Variants in MGAT5 observed in about 807,000 individuals in gnomAD.
MGAT5 encodes alpha-1,6-mannosylglycoprotein 6-beta-N-acetylglucosaminyltransferase, also known as alpha-1,6-mannosylglycoprotein 6-beta-N-acetylglucosaminyltransferase A.
A neutral mutation model predicts 94.3 loss-of-function variants in MGAT5; 30 were observed. That is an observed-to-expected ratio of 0.32 (90% CI 0.24 to 0.43). The LOEUF (loss-of-function observed/expected upper bound fraction) is 0.43, where lower values mean the gene tolerates loss of function less well. Ranked by LOEUF, MGAT5 falls within the 20% of genes least tolerant of loss-of-function variation. MGAT5 has a pLI of 1.00. For synonymous variants in MGAT5, 310 were observed against 322.9 expected, an observed-to-expected ratio of 0.96 and a Z score of 0.43; for missense variants, 691 against 905.5, an observed-to-expected ratio of 0.76 and a Z score of 3.04.
Position 134,189,594 on chromosome 2 carries a change from TTTTTTTTG to T in MGAT5, c.-142-64660_-142-64653del, listed in dbSNP as rs1324545700. Among the ~76,000 whole-genome samples the T allele has an allele frequency of 5.0e-5, 4 of 80,734 alleles. 1 individual carries two copies. Among genetic ancestry groups the T allele is most frequent in the African/African-American group, 2.7e-4 (4 of 14,874 alleles). The allele number at this position is 80,734 out of a possible 152,430, so 53.0% of individuals were successfully genotyped here. ...ATATGACTAACCTCATGGCTCTAGT[TTTTTTTTG>T]TTTTTTTTTTTTTTTTTTAAGACAG... is the stretch of plus-strand genomic sequence containing the variant. On this transcript the variant is annotated intron_variant, in intron 1 of 16. Coordinates refer to the MGAT5 transcript ENST00000409645.
intron 7 of MGAT5, among the ~76,000 whole-genome samples, chr2:134,342,568 A>G (rs530118052): frequency 3.9e-5 from 6 of 152,124 alleles, no homozygotes; most frequent in Non-Finnish European, 8.8e-5. Context: ...CCTGGCCAAC[A>G]TGGTGAGACC....
At chr2:134,191,656 G>A (rs997865812) in intron 1 of MGAT5, among the ~76,000 whole-genome samples, 1 of 150,530 alleles carries the variant, frequency 6.6e-6, no homozygotes, top group African/African-American at 2.5e-5. Context: ...CCTGATGGGA[G>A]GGTGGGTTCT....
At chr2:134,338,991 G>A (rs924659899) in intron 6 of MGAT5, among the ~76,000 whole-genome samples, 6 of 152,150 alleles carry the variant, frequency 3.9e-5, no homozygotes, top group African/African-American at 1.4e-4. Context: ...TGATGGTCTG[G>A]CTTTAGATTA....
At chr2:134,274,209 A>G (rs1246667008) in intron 2 of MGAT5, among the ~76,000 whole-genome samples, 1 of 152,232 alleles carries the variant, frequency 6.6e-6, no homozygotes, top group Non-Finnish European at 1.5e-5. Flanking sequence ...TTGTAGCCTT[A>G]CCTGTTGAAG....
intron 2 of MGAT5, among the ~76,000 whole-genome samples, chr2:134,288,247 C>G (rs1685133163): frequency 6.6e-6 from 1 of 152,126 alleles, no homozygotes. Flanking sequence ...ACATCAGTTC[C>G]ACAAAAAACC....
intron 1 of MGAT5, among the ~76,000 whole-genome samples, chr2:134,192,295 T>C (rs1173460044): frequency 6.6e-6 from 1 of 152,188 alleles, no homozygotes; most frequent in Non-Finnish European, 1.5e-5. Flanking sequence ...ATGAGTGTGC[T>C]CTTGCATCGT....
At chr2:134,299,455 TG>T (rs201176222) in intron 2 of MGAT5, among the ~76,000 whole-genome samples, 2,567 of 152,312 alleles carry the variant, frequency 0.017, 43 homozygotes, top group Non-Finnish European at 0.023. Flanking sequence ...AGGTAGGGTT[TG>T]GAATGCTAAT....
At chr2:134,276,046 A>T (rs929665011) in intron 2 of MGAT5, among the ~76,000 whole-genome samples, 1 of 152,180 alleles carries the variant, frequency 6.6e-6, no homozygotes, top group South Asian at 2.1e-4. Context: ...GTGCCAGCAG[A>T]TATTTTCACC....
chr2:134,386,787 T>A (rs1216008101), intron 10 of MGAT5, among the ~76,000 whole-genome samples: 1 of 152,206 alleles, frequency 6.6e-6, no homozygotes, highest in Admixed American at 6.5e-5. Flanking sequence ...GAGATTCTGT[T>A]CATAAGGAAA....
intron 1 of MGAT5, among the ~76,000 whole-genome samples, chr2:134,222,614 C>T (rs1680841008): frequency 1.3e-5 from 2 of 152,278 alleles, no homozygotes; most frequent in South Asian, 4.1e-4. Context: ...GTAGACAAAT[C>T]TATTTTTCCC....
chr2:134,130,257 G>GCCCCACACCGCCCCACACCA (rs1558947599), intron 1 of MGAT5, among the ~76,000 whole-genome samples: 4 of 87,588 alleles, frequency 4.6e-5, no homozygotes, highest in African/African-American at 8.7e-5. Flanking sequence ...GCCCCACACC[G>GCCCCACACCGCCCCACACCA]CCCCACACCG....
chr2:134,176,950 G>T (rs944448608), intron 1 of MGAT5, among the ~76,000 whole-genome samples: 2 of 152,138 alleles, frequency 1.3e-5, no homozygotes, highest in Non-Finnish European at 2.9e-5. Context: ...CTGGTCTCCC[G>T]ACAGGACATG....
At chr2:134,324,422 C>G (rs961414559) in intron 4 of MGAT5, among the ~76,000 whole-genome samples, 2 of 152,126 alleles carry the variant, frequency 1.3e-5, no homozygotes, top group Non-Finnish European at 2.9e-5. Context: ...GTCTTTGCTT[C>G]TTTCTGTTCT....
chr2:134,327,259 C>A (rs1180475455), intron 4 of MGAT5, among the ~76,000 whole-genome samples: 2 of 152,034 alleles, frequency 1.3e-5, no homozygotes, highest in East Asian at 3.9e-4. Flanking sequence ...CCTCTCTTAT[C>A]CATGAGGGAT....
In MGAT5 at chr2:134,313,037, A is replaced by AAC. The variant is rs201311442; in HGVS notation, c.407-4438_407-4437dup. Among the ~76,000 whole-genome samples the AAC allele has an allele frequency of 3.8e-3, 533 of 139,254 alleles. 2 individuals carry two copies. The highest frequency in any genetic ancestry group is 0.031 in the East Asian group (140 of 4,558). The allele number at this position is 139,254 out of a possible 152,430, so 91.4% of individuals were successfully genotyped here. A position where few individuals can be genotyped will look rare whatever the true frequency, so the allele number is the denominator to read the frequency against. The stretch of plus-strand genomic sequence containing the variant: ...CTGAGGCCACAGACAGCAAGAAATA[A>AAC]ACACACACACACACACACACACACA... On this transcript the variant is annotated intron_variant, in intron 2 of 15. Transcript: ENST00000281923.
At chr2:134,304,484 G>A (rs1251607104) in intron 2 of MGAT5, among the ~76,000 whole-genome samples, 4 of 152,162 alleles carry the variant, frequency 2.6e-5, no homozygotes, top group African/African-American at 9.7e-5. Flanking sequence ...TTCCCAGGCA[G>A]TTGAAAACCT....
chr2:134,435,065 C>T (rs181681499), intron 14 of MGAT5, among the ~76,000 whole-genome samples: 44 of 151,930 alleles, frequency 2.9e-4, no homozygotes, highest in African/African-American at 9.4e-4. Context: ...TGTGCTGTTG[C>T]GGCAGCTTCC....
At chr2:134,244,540 G>C (rs940182034) in intron 1 of MGAT5, among the ~76,000 whole-genome samples, 1 of 152,212 alleles carries the variant, frequency 6.6e-6, no homozygotes, top group Non-Finnish European at 1.5e-5. Flanking sequence ...CCTTGAGACA[G>C]CATCAGCAGT....
intron 12 of MGAT5, among the ~76,000 whole-genome samples, chr2:134,422,551 G>T (rs1348070448): frequency 6.6e-6 from 1 of 152,072 alleles, no homozygotes; most frequent in Non-Finnish European, 1.5e-5. Context: ...TGATGTTGGG[G>T]GCTAAAGCCT....
Sources: gnomAD v4.1 joint callset for allele counts (sites outside exome capture counted in the v4.1 genomes callset) on GRCh38, gnomAD v4.1.1 for gene constraint, MANE v1.5 for transcripts, NCBI Gene and HGNC (gene_info 2026-07-23, HGNC 2026-07-21) for gene names.